The following NR1H4 variants were observed in gnomAD, a reference collection of about 807,000 sequenced individuals.
The protein encoded by NR1H4 is bile acid receptor.
NR1H4 carries 23 observed loss-of-function variants against 58.5 expected under a neutral mutation model. The ratio of observed to expected loss-of-function variants is 0.39; its 90% CI spans 0.28 to 0.56. NR1H4 has a LOEUF of 0.56. Ranked by LOEUF, NR1H4 falls within the 20% of genes least tolerant of loss-of-function variation. The pLI, the probability that NR1H4 is intolerant of heterozygous loss-of-function variation, is 0.58. For synonymous variants in NR1H4, 214 were observed against 198.0 expected (o/e 1.08, Z -0.68); for missense variants, 487 against 576.9 (o/e 0.84, Z 1.60).
At chr12:100,561,852 A>G in intron 9 of NR1H4, 33 bp from the exon 10 acceptor site, 1 of 909,992 alleles carries the variant, frequency 1.1e-6, no homozygotes, top group Non-Finnish European at 1.9e-6. Flanking sequence ...AGTCACTCAA[A>G]AATTGTATTA....
In NR1H4 at chr12:100,493,262, C is replaced by T. The variant is rs1953641927; in HGVS notation, c.-54-8C>T. 1 of 821,968 alleles carries T rather than the reference C, an allele frequency of 1.2e-6. No individual in the cohort carries two copies. Among genetic ancestry groups the T allele is most frequent in the East Asian group, 2.6e-5 (1 of 38,612 alleles). 50.9% of individuals were successfully genotyped at this position (821,968 alleles called of 1,614,324 possible). On this transcript the variant is annotated splice_region_variant and splice_polypyrimidine_tract_variant and intron_variant, in intron 2 of 10. Coordinates refer to ENST00000392986, the MANE Select transcript of NR1H4 (RefSeq NM_001206979.2). ...CCCACAGTCACAAACTATTTATTTTCCTTTCAGGAGTTTTTTTTGAAGACC... is the reference window on the plus strand; with the variant it reads ...CCCACAGTCACAAACTATTTATTTTTCTTTCAGGAGTTTTTTTTGAAGACC...
chr12:100,500,040 G>C, intron 3 of NR1H4: 1 of 436,330 alleles, frequency 2.3e-6, no homozygotes, highest in Non-Finnish European at 4.6e-6. Flanking sequence ...TACCATTACT[G>C]TTCCCCTTTT....
intron 1 of NR1H4, among the ~76,000 whole-genome samples, chr12:100,476,850 A>G (rs987187778): frequency 6.6e-6 from 1 of 152,146 alleles, no homozygotes; most frequent in Non-Finnish European, 1.5e-5. Flanking sequence ...TAATGCCACT[A>G]TACTCTAGCC....
chr12:100,563,293 A>G lies in NR1H4; in HGVS notation c.1235A>G (p.Gln412Arg), dbSNP rs1593146553. ...IKDREAVEKLQEPLLDVLQKL... is the reference protein window; with the variant it reads ...IKDREAVEKLREPLLDVLQKL... Reference sequence around the variant, plus strand: ...GATAGAGAGGCAGTAGAGAAGCTTCAGGAGCCACTTCTTGATGTGCTACAA... The same window carrying G: ...GATAGAGAGGCAGTAGAGAAGCTTCGGGAGCCACTTCTTGATGTGCTACAA... The change falls in exon 11 of 11, where the codon CAG becomes CGG. Residue 412 changes from glutamine to arginine, a missense_variant. By Grantham distance (43) the Gln-to-Arg change is conservative. Coordinates refer to ENST00000392986, the MANE Select transcript of NR1H4 (RefSeq NM_001206979.2). The G allele has an allele frequency of 6.2e-7, 1 of 1,614,138 alleles. No individual in the cohort carries two copies. Among genetic ancestry groups the G allele is most frequent in the Non-Finnish European group, 8.5e-7 (1 of 1,179,948 alleles).
At chr12:100,549,675 A>G (rs941424550) in intron 9 of NR1H4, among the ~76,000 whole-genome samples, 2 of 152,186 alleles carry the variant, frequency 1.3e-5, no homozygotes, top group Non-Finnish European at 2.9e-5. Flanking sequence ...TTTCCAGAAT[A>G]TGATCTGTAT....
At position 100,540,828 on chromosome 12, in the gene NR1H4, T is replaced by G. The variant is rs548700526; in HGVS notation, c.1078+10T>G. ...AGAATTCGAAATAGTGGTAAGTGATTTGGCTAATGGTAAAAGAGTTTGTTT... is the reference window on the plus strand; with the variant it reads ...AGAATTCGAAATAGTGGTAAGTGATGTGGCTAATGGTAAAAGAGTTTGTTT... On this transcript the variant is annotated intron_variant, in intron 9 of 10. Coordinates refer to ENST00000392986, the MANE Select transcript of NR1H4 (RefSeq NM_001206979.2). The G allele has an allele frequency of 6.2e-7, 1 of 1,613,954 alleles. No individual in the cohort carries two copies. The highest frequency in any genetic ancestry group is 1.3e-5 in the African/African-American group (1 of 75,054).
chr12:100,510,831 C>A lies in NR1H4; in HGVS notation c.133C>A (p.Pro45Thr), dbSNP rs1593071471. 19 of 1,614,102 alleles carry A rather than the reference C, an allele frequency of 1.2e-5. No individual in the cohort carries two copies. The highest frequency in any genetic ancestry group is 1.6e-5 in the Non-Finnish European group (19 of 1,180,002). ...TCTGGGACAGAACCTGGAAGTGGAA[C>A]CATACTCGCAATACAGCAATGTTCA... The part of the protein sequence containing the change: ...GPLGQNLEVE[P>T]YSQYSNVQFP... The change falls in exon 4 of 11, where the codon CCA (proline) becomes ACA (threonine). Residue 45 changes from proline to threonine, a missense_variant. Pro to Thr is a conservative substitution (Grantham distance 38). Coordinates refer to ENST00000392986, the MANE Select transcript of NR1H4 (RefSeq NM_001206979.2).
At chr12:100,533,666 C>T (rs1301587153) in intron 5 of NR1H4, among the ~76,000 whole-genome samples, 1 of 152,182 alleles carries the variant, frequency 6.6e-6, no homozygotes, top group Admixed American at 6.5e-5. Context: ...GAACTTGTTC[C>T]AGCTGGAGCG....
At chr12:100,493,837 G>A (rs1006488178) in intron 3 of NR1H4, among the ~76,000 whole-genome samples, 7 of 152,254 alleles carry the variant, frequency 4.6e-5, no homozygotes, top group Non-Finnish European at 1.0e-4. Context: ...GGTGCTGGGG[G>A]ATCTATGGCA....
intron 6 of NR1H4, 139 bp downstream of exon 6, chr12:100,535,162 C>T: frequency 1.1e-6 from 1 of 914,902 alleles, no homozygotes; most frequent in Middle Eastern, 2.3e-4. Flanking sequence ...AAATGGATTC[C>T]TAATACATGC....
intron 2 of NR1H4, 38 bp from the exon 3 acceptor site, chr12:100,493,232 G>A (rs142896466): frequency 3.7e-5 from 27 of 730,052 alleles, no homozygotes; most frequent in Middle Eastern, 2.3e-4. Flanking sequence ...AACCCTTCCC[G>A]CATTCCCACA....
In NR1H4 at chr12:100,475,124, CCTATCTAT is replaced by C. The variant is rs10629376; in HGVS notation, c.-190+1093_-190+1100del. Among the ~76,000 whole-genome samples the C allele has an allele frequency of 6.1e-4, 87 of 143,208 alleles. No individual in the cohort carries two copies. In the South Asian group the frequency reaches 0.016, roughly 26 times the overall value. The allele number at this position is 143,208 out of a possible 152,430, so 94.0% of individuals were successfully genotyped here. ...AGTCACACCTCAGTAAAGTGGTTTA[CCTATCTAT>C]CTATCTATCTATCTATCTATCTATC... is the stretch of plus-strand genomic sequence containing the variant. On this transcript the variant is annotated intron_variant, in intron 1 of 10. Transcript: ENST00000392986.
intron 9 of NR1H4, among the ~76,000 whole-genome samples, chr12:100,542,022 C>T (rs1954948319): frequency 2.0e-5 from 3 of 152,158 alleles, no homozygotes; most frequent in South Asian, 2.1e-4. Flanking sequence ...AAATAACTTT[C>T]CCAATGACAG....
At chr12:100,521,403 A>T (rs1035962045) in intron 4 of NR1H4, among the ~76,000 whole-genome samples, 1 of 152,228 alleles carries the variant, frequency 6.6e-6, no homozygotes, top group Non-Finnish European at 1.5e-5. Context: ...TCAGTGCAGC[A>T]TATGGAAATG....
chr12:100,562,111 C>G (rs1434421154), intron 10 of NR1H4, 113 bp downstream of exon 10: 5 of 648,294 alleles, frequency 7.7e-6, no homozygotes, highest in Admixed American at 2.6e-5. Flanking sequence ...AGTAAAGTAG[C>G]CTATAATTCT....
chr12:100,555,818 T>C (rs34085418), intron 9 of NR1H4, among the ~76,000 whole-genome samples: 6,318 of 152,282 alleles, frequency 0.041, 325 homozygotes, highest in East Asian at 0.2. Flanking sequence ...TTATGACCTC[T>C]TAACCACTAG....
chr12:100,523,966 A>G (rs1954491684), intron 4 of NR1H4, among the ~76,000 whole-genome samples: 1 of 152,236 alleles, frequency 6.6e-6, no homozygotes, highest in African/African-American at 2.4e-5. Context: ...CAAAAAGATT[A>G]AGAAATATAA....
At chr12:100,506,244 C>G (rs1410239788) in intron 3 of NR1H4, among the ~76,000 whole-genome samples, 2 of 152,148 alleles carry the variant, frequency 1.3e-5, no homozygotes, top group Non-Finnish European at 2.9e-5. Flanking sequence ...AACTGCTTCT[C>G]AGCAACCGTA....
At chr12:100,518,845 C>T (rs970538738) in intron 4 of NR1H4, among the ~76,000 whole-genome samples, 3 of 139,346 alleles carry the variant, frequency 2.2e-5, no homozygotes, top group Admixed American at 7.9e-5. Flanking sequence ...CAGGCTGGAG[C>T]GCAGTGGCAA....
Sources: gnomAD v4.1 joint callset for allele counts (sites outside exome capture counted in the v4.1 genomes callset) on GRCh38, gnomAD v4.1.1 for gene constraint, MANE v1.5 for transcripts, NCBI Gene and HGNC (gene_info 2026-07-23, HGNC 2026-07-21) for gene names.